The following MARCHF10 variants were observed in gnomAD, a reference collection of about 807,000 sequenced individuals.
The protein encoded by MARCHF10 is membrane associated ring-CH-type finger 10.
A neutral mutation model predicts 76.2 loss-of-function variants in MARCHF10; 64 were observed. The observed-to-expected ratio is 0.84, with a 90% CI of 0.69 to 1.03. The LOEUF is 1.03. Among genes scored for constraint, MARCHF10 ranks in the 50% least tolerant of loss-of-function variants. The pLI, the probability that MARCHF10 is intolerant of heterozygous loss-of-function variation, is 0.00. For synonymous variants in MARCHF10, 340 were observed against 357.5 expected, an observed-to-expected ratio of 0.95 and a Z score of 0.55; for missense variants, 875 against 958.0, an observed-to-expected ratio of 0.91 and a Z score of 1.14.
At chr17:62,793,191 C>CA (rs2092903006) in intron 2 of MARCHF10, among the ~76,000 whole-genome samples, 1 of 133,306 alleles carries the variant, frequency 7.5e-6, no homozygotes, top group Non-Finnish European at 1.7e-5. Flanking sequence ...CCACCACCAC[C>CA]TCCATCACCA....
chr17:62,721,365 T>G (rs376589111), intron 8 of MARCHF10, among the ~76,000 whole-genome samples: 1 of 64,534 alleles, frequency 1.5e-5, no homozygotes, highest in Non-Finnish European at 3.6e-5. Context: ...ATTACCCCCC[T>G]TTTTTTTTTT....
intron 5 of MARCHF10, among the ~76,000 whole-genome samples, chr17:62,740,386 C>T (rs1280826351): frequency 6.6e-6 from 1 of 152,142 alleles, no homozygotes; most frequent in African/African-American, 2.4e-5. Context: ...ACTATGCCTT[C>T]GACTTCTTGG....
At chr17:62,765,985 G>A (rs952635049) in intron 3 of MARCHF10, among the ~76,000 whole-genome samples, 16 of 151,210 alleles carry the variant, frequency 1.1e-4, no homozygotes, top group African/African-American at 2.4e-5. Context: ...CTTGAGCCCA[G>A]GAGTTTGAGA....
At chr17:62,747,168 T>C (rs2091734719) in intron 4 of MARCHF10, among the ~76,000 whole-genome samples, 2 of 152,242 alleles carry the variant, frequency 1.3e-5, no homozygotes, top group Admixed American at 1.3e-4. Flanking sequence ...AATTGCCTTG[T>C]CGTGCAGGAC....
At chr17:62,752,614 C>T (rs1379541558) in intron 4 of MARCHF10, among the ~76,000 whole-genome samples, 2 of 146,626 alleles carry the variant, frequency 1.4e-5, no homozygotes, top group South Asian at 2.2e-4. Flanking sequence ...CTCAAGCCCA[C>T]TCCCTCTTCC....
In MARCHF10 at chr17:62,712,684, C is replaced by T. The variant is rs2089992750; in HGVS notation, c.2215-1340G>A. 6.6e-6 allele frequency among the ~76,000 whole-genome samples: 1 copy of T among 152,204 alleles called. No individual in the cohort carries two copies. Among genetic ancestry groups the T allele is most frequent in the Admixed American group, 6.5e-5 (1 of 15,284 alleles). ...TTAGCCTTTGGTCGTGTTTTTTGTGCTCTGCTGACCTTGGCCTAGAGTGAG... is the reference window on the plus strand; with the variant it reads ...TTAGCCTTTGGTCGTGTTTTTTGTGTTCTGCTGACCTTGGCCTAGAGTGAG... On this transcript the variant is annotated intron_variant, in intron 8 of 10. Transcript: ENST00000311269. The surrounding 1 kb of genome is among the most constrained non-coding windows in gnomAD (Gnocchi z 4.2).
chr17:62,706,310 C>G (rs954594575), intron 9 of MARCHF10: 30 of 152,332 alleles, frequency 2.0e-4, no homozygotes, highest in African/African-American at 7.2e-4. Context: ...TCTAGAGTAG[C>G]AGGTCCTGGT....
chr17:62,781,683 G>A (rs894108342), intron 3 of MARCHF10, among the ~76,000 whole-genome samples: 3 of 152,158 alleles, frequency 2.0e-5, no homozygotes, highest in African/African-American at 7.2e-5. Flanking sequence ...TGTGTTTGGG[G>A]ATCTGCCCAC....
intron 6 of MARCHF10, among the ~76,000 whole-genome samples, chr17:62,734,514 CAT>C (rs1298146193): frequency 9.2e-5 from 14 of 152,028 alleles, no homozygotes; most frequent in South Asian, 2.1e-4. Context: ...CTTTTAAAAA[CAT>C]GTGATTGAGA....
intron 2 of MARCHF10, among the ~76,000 whole-genome samples, chr17:62,791,711 A>C (rs1002888414): frequency 5.9e-5 from 9 of 152,186 alleles, no homozygotes; most frequent in Non-Finnish European, 1.5e-5. Context: ...GGCAGAGCAA[A>C]TATCCAGACT....
rs752801399 is a variant in MARCHF10 at position 62,701,645 on chromosome 17, C to G, written c.*58G>C. 6.2e-7 allele frequency: 1 copy of G among 1,612,930 alleles called. No individual in the cohort carries two copies. The highest frequency in any genetic ancestry group is 8.5e-7 in the Non-Finnish European group (1 of 1,179,798). ...GAGGAGGGAGGGAGGCACTTGGGGA[C>G]GTAGAAAGAAGGGCTGGCGGGAGAG... On this transcript the variant is annotated 3_prime_UTR_variant, in exon 11 of 11. Coordinates refer to ENST00000311269, the MANE Select transcript of MARCHF10 (RefSeq NM_152598.4).
At chr17:62,754,625 T>C (rs2091987877) in intron 4 of MARCHF10, among the ~76,000 whole-genome samples, 1 of 151,982 alleles carries the variant, frequency 6.6e-6, no homozygotes, top group Non-Finnish European at 1.5e-5. Context: ...CCGCTCACAT[T>C]TATGGGGTTA....
At chr17:62,760,482 G>A (rs1255397693) in intron 3 of MARCHF10, among the ~76,000 whole-genome samples, 5 of 152,150 alleles carry the variant, frequency 3.3e-5, no homozygotes, top group South Asian at 2.1e-4. Context: ...AATACTCTGC[G>A]TTACTGGGTG....
intron 3 of MARCHF10, among the ~76,000 whole-genome samples, chr17:62,774,327 G>C (rs1273639814): frequency 6.6e-6 from 1 of 152,180 alleles, no homozygotes; most frequent in Non-Finnish European, 1.5e-5. Flanking sequence ...CTGGAGTCAA[G>C]GATTGTGGTG....
chr17:62,802,941 C>T (rs762459322), intron 1 of MARCHF10, among the ~76,000 whole-genome samples: 1 of 152,170 alleles, frequency 6.6e-6, no homozygotes, highest in Non-Finnish European at 1.5e-5. Context: ...TGATTAGATT[C>T]GTGTTTTTAT....
chr17:62,742,866 T>A (rs2091565710), intron 5 of MARCHF10, among the ~76,000 whole-genome samples: 1 of 152,012 alleles, frequency 6.6e-6, no homozygotes, highest in Non-Finnish European at 1.5e-5. Context: ...ACTCCTGGAC[T>A]CAAGTGATCT....
chr17:62,802,668 C>G (rs538492748), intron 1 of MARCHF10, among the ~76,000 whole-genome samples: 8 of 152,216 alleles, frequency 5.3e-5, no homozygotes, highest in Non-Finnish European at 1.2e-4. Flanking sequence ...CAAGGTTTTC[C>G]TTAGGCAATG....
rs2089998839 is a variant in MARCHF10, at chr17:62,712,818, C to T, written c.2215-1474G>A. 6.6e-6 allele frequency among the ~76,000 whole-genome samples: 1 copy of T among 152,172 alleles called. No individual in the cohort carries two copies. Among genetic ancestry groups the T allele is most frequent in the African/African-American group, 2.4e-5 (1 of 41,438 alleles). On this transcript the variant is annotated intron_variant, in intron 8 of 10. Coordinates refer to ENST00000311269, the MANE Select transcript of MARCHF10 (RefSeq NM_152598.4). This position sits in a 1 kb window ranked among gnomAD's most constrained non-coding sequence, Gnocchi z 4.2. ...GGAGTGCAATGGCGTGATCTCGGCT[C>T]ACTGCAACCTCCACCTCCCAGGTTC...
intron 6 of MARCHF10, 139 bp from the exon 7 acceptor site, chr17:62,725,243 AT>A: frequency 1.5e-6 from 1 of 667,128 alleles, no homozygotes. Flanking sequence ...TAGTGAGATG[AT>A]TTTTGATAAC....
Sources: allele counts gnomAD v4.1 joint callset (sites outside exome capture counted in the v4.1 genomes callset), GRCh38; gene constraint gnomAD v4.1.1; non-coding constraint Gnocchi (gnomAD v3.1); transcripts MANE v1.5; gene names NCBI Gene and HGNC (gene_info 2026-07-23, HGNC 2026-07-21).